The following SERPINE2 variants were observed in gnomAD, a reference collection of about 807,000 sequenced individuals.
SERPINE2 encodes the protein serpin family E member 2, also known as glia-derived nexin.
Under a neutral mutation model 36.3 loss-of-function variants are expected in SERPINE2, and 14 were observed. The ratio of observed to expected loss-of-function variants is 0.39; its 90% CI spans 0.25 to 0.60. The LOEUF (loss-of-function observed/expected upper bound fraction) is 0.60, where lower values mean the gene tolerates loss of function less well. Among genes scored for constraint, SERPINE2 ranks in the 20% least tolerant of loss-of-function variants. The pLI is 0.57. For synonymous variants in SERPINE2, 192 were observed against 191.8 expected, an observed-to-expected ratio of 1.00 and a Z score of -0.01; for missense variants, 418 against 499.6, an observed-to-expected ratio of 0.84 and a Z score of 1.56.
intron 3 of SERPINE2, among the ~76,000 whole-genome samples, chr2:223,994,727 C>G (rs1690809832): frequency 6.6e-6 from 1 of 152,176 alleles, no homozygotes; most frequent in African/African-American, 2.4e-5. Context: ...ATGGACAGTA[C>G]CTCAGAAATG....
intron 1 of SERPINE2, chr2:224,030,283 A>C: frequency 1.1e-6 from 1 of 945,800 alleles, no homozygotes; most frequent in Non-Finnish European, 1.3e-6. Context: ...AGGTGTCTGG[A>C]AACAAAGCAT....
chr2:224,031,193 T>C, intron 1 of SERPINE2: 24 of 985,440 alleles, frequency 2.4e-5, no homozygotes, highest in Non-Finnish European at 2.8e-5. Context: ...GCTCTGGCAC[T>C]GACACATAAA....
chr2:223,990,263 C>T (rs955270621), intron 4 of SERPINE2, among the ~76,000 whole-genome samples: 1 of 152,182 alleles, frequency 6.6e-6, no homozygotes, highest in African/African-American at 2.4e-5. Context: ...AAGATACCAA[C>T]ACACTGTGGG....
rs1301729228 is a variant in SERPINE2 at position 224,039,219 on chromosome 2, G to A, written c.-143C>T. On this transcript the variant is annotated 5_prime_UTR_variant, in exon 1 of 9. Transcript: ENST00000409304. The surrounding 1 kb of genome is among the most constrained non-coding windows in gnomAD (Gnocchi z 5.2). ...GCAGCCAAGCGGCGGCGGCGAGGAG[G>A]GTCACAGCCGGAAAGAGGCAGCGGT... The A allele has an allele frequency of 6.6e-6, 1 of 151,010 alleles. No individual in the cohort carries two copies. The highest frequency in any genetic ancestry group is 1.5e-5 in the Non-Finnish European group (1 of 67,706). 9.4% of individuals were successfully genotyped at this position (151,010 alleles called of 1,614,324 possible).
At chr2:224,017,734 T>C (rs1377650522) in intron 1 of SERPINE2, among the ~76,000 whole-genome samples, 15 of 152,138 alleles carry the variant, frequency 9.9e-5, no homozygotes, top group African/African-American at 3.6e-4. Flanking sequence ...AGAGTTGTTA[T>C]AAGGATTTTA....
intron 2 of SERPINE2, among the ~76,000 whole-genome samples, chr2:224,001,354 A>G (rs1691151155): frequency 6.6e-6 from 1 of 152,216 alleles, no homozygotes; most frequent in Non-Finnish European, 1.5e-5. Flanking sequence ...GTAAGCCAGG[A>G]AGTGTCCCCC....
chr2:224,031,762 C>CG (rs1559223248), intron 1 of SERPINE2, among the ~76,000 whole-genome samples: 3 of 148,774 alleles, frequency 2.0e-5, no homozygotes, highest in Admixed American at 1.3e-4. Flanking sequence ...ACCCCCCACC[C>CG]CCCCCGCCGG....
chr2:223,996,830 A>T (rs1690907585), intron 3 of SERPINE2, among the ~76,000 whole-genome samples: 1 of 152,112 alleles, frequency 6.6e-6, no homozygotes, highest in African/African-American at 2.4e-5. Context: ...TAATCCCAGC[A>T]CTCTGGGAGG....
rs1000214620 is a variant in SERPINE2 at position 223,991,837 on chromosome 2, C to A, written c.651G>T (p.Val217=). Residue 217 remains valine (V), a synonymous_variant, in exon 4 of 9, where the codon GTG becomes GTT. Transcript: ENST00000409304. The part of the protein sequence containing the change: ...FVAADGKSYQ[V]PMLAQLSVFR... ...ACACGGAGAGCTGGGCCAGCATTGGCACTTGATAGGATTTCCCGTCGGCTG... is the reference window on the plus strand; with the variant it reads ...ACACGGAGAGCTGGGCCAGCATTGGAACTTGATAGGATTTCCCGTCGGCTG... The A allele has an allele frequency of 6.2e-7, 1 of 1,613,804 alleles. No individual in the cohort carries two copies. The highest frequency in any genetic ancestry group is 8.5e-7 in the Non-Finnish European group (1 of 1,179,948).
chr2:224,033,085 A>AT (rs1401348172), intron 1 of SERPINE2, among the ~76,000 whole-genome samples: 1 of 152,220 alleles, frequency 6.6e-6, no homozygotes, highest in Non-Finnish European at 1.5e-5. Flanking sequence ...GATGTAGTTT[A>AT]TTGCATTTGA....
intron 1 of SERPINE2, among the ~76,000 whole-genome samples, chr2:224,027,742 C>T (rs1327026611): frequency 6.6e-6 from 1 of 152,176 alleles, no homozygotes; most frequent in Non-Finnish European, 1.5e-5. Context: ...TATTAAATAT[C>T]ATGGATGTGC....
At position 224,005,049 on chromosome 2, in the gene SERPINE2, ATATATTT is replaced by A. The variant is rs1474637941; in HGVS notation, c.-22-3134_-22-3128del. ...ATTATATAATATATAAATATATTTT[ATATATTT>A]TATATATATTATATATATATATATA... On this transcript the variant is annotated intron_variant, in intron 1 of 8. Transcript: ENST00000409304. Among the ~76,000 whole-genome samples, 7 of 20,836 alleles carry A rather than the reference ATATATTT, an allele frequency of 3.4e-4. No individual in the cohort carries two copies. The East Asian group carries it at 5.0e-3, about 15-fold the overall frequency. The allele number at this position is 20,836 out of a possible 152,430, so 13.7% of individuals were successfully genotyped here. A position where few individuals can be genotyped will look rare whatever the true frequency, so the allele number is the denominator to read the frequency against.
At chr2:224,032,477 C>A (rs115161184) in intron 1 of SERPINE2, among the ~76,000 whole-genome samples, 1 of 152,040 alleles carries the variant, frequency 6.6e-6, no homozygotes, top group African/African-American at 2.4e-5. Flanking sequence ...CCCCAGGTTA[C>A]GAGTTCACAC....
At chr2:224,023,004 G>A (rs973359266) in intron 1 of SERPINE2, among the ~76,000 whole-genome samples, 2 of 152,176 alleles carry the variant, frequency 1.3e-5, no homozygotes, top group African/African-American at 4.8e-5. Context: ...CTTCCACCAT[G>A]ATTGTAAGTT....
chr2:223,989,996 G>A (rs11694490), intron 4 of SERPINE2, among the ~76,000 whole-genome samples: 1 of 152,012 alleles, frequency 6.6e-6, no homozygotes, highest in African/African-American at 2.4e-5. Context: ...GGAAGAGAGG[G>A]GTGGTGACCC....
chr2:224,011,460 C>A (rs1574838342), intron 1 of SERPINE2, among the ~76,000 whole-genome samples: 2 of 152,152 alleles, frequency 1.3e-5, no homozygotes, highest in South Asian at 4.1e-4. Flanking sequence ...TACCTAGATA[C>A]ATTTTAAGAA....
chr2:223,991,187 T>G (rs1690652152), intron 4 of SERPINE2, among the ~76,000 whole-genome samples: 1 of 152,238 alleles, frequency 6.6e-6, no homozygotes, highest in African/African-American at 2.4e-5. Context: ...AATCTAAGTC[T>G]CATGATCACA....
intron 4 of SERPINE2, among the ~76,000 whole-genome samples, chr2:223,986,457 T>C (rs1690433071): frequency 6.6e-6 from 1 of 152,052 alleles, no homozygotes; most frequent in Admixed American, 6.6e-5. Context: ...CATAACAAAA[T>C]GGTCTCAGCA....
At chr2:224,018,845 A>G (rs1008122759) in intron 1 of SERPINE2, among the ~76,000 whole-genome samples, 1 of 152,164 alleles carries the variant, frequency 6.6e-6, no homozygotes, top group Admixed American at 6.5e-5. Context: ...TGTTTGAATG[A>G]TCCACCCCTC....
Sources: allele counts gnomAD v4.1 joint callset (sites outside exome capture counted in the v4.1 genomes callset), GRCh38; gene constraint gnomAD v4.1.1; non-coding constraint Gnocchi (gnomAD v3.1); transcripts MANE v1.5; gene names NCBI Gene and HGNC (gene_info 2026-07-23, HGNC 2026-07-21).